The following HPS5 variants were observed in gnomAD, a reference collection of about 807,000 sequenced individuals.
The protein encoded by HPS5 is HPS5 biogenesis of lysosomal organelles complex 2 subunit 2, also known as BLOC-2 complex member HPS5.
HPS5 carries 83 observed loss-of-function variants against 128.0 expected under a neutral mutation model. The ratio of observed to expected loss-of-function variants is 0.65; its 90% CI spans 0.54 to 0.78. HPS5 has a LOEUF of 0.78. Among genes scored for constraint, HPS5 ranks in the 30% least tolerant of loss-of-function variants. The pLI is 0.00. For synonymous variants in HPS5, 475 were observed against 470.2 expected (o/e 1.01, Z -0.13); for missense variants, 1,281 against 1,326.2 (o/e 0.97, Z 0.53).
chr11:18,285,319 T>C (rs1337630384), intron 20 of HPS5, 27 bp downstream of exon 20: 9 of 1,409,624 alleles, frequency 6.4e-6, no homozygotes, highest in African/African-American at 1.4e-5. Flanking sequence ...TAACCTTAAC[T>C]TCAGTTTCTA....
chr11:18,291,579 T>C lies in HPS5; in HGVS notation c.2303A>G (p.Tyr768Cys), dbSNP rs998495172. Residue 768 changes from tyrosine (Y) to cysteine (C), a missense_variant, in exon 16 of 23, where the codon TAC becomes TGC. Physicochemically the swap from Tyr to Cys is radical, Grantham distance 194. Coordinates refer to ENST00000349215, the MANE Select transcript of HPS5 (RefSeq NM_181507.2). ...SGHVDHTLQQ[Y>C]SPEILACQFL... ...CTGGCAAGCCAGAATTTCAGGAGAG[T>C]ACTGTTGCAAAGTGTGGTCCACATG... 3 of 1,612,930 alleles carry C rather than the reference T, an allele frequency of 1.9e-6. No individual in the cohort carries two copies. The highest frequency in any genetic ancestry group is 1.7e-6 in the Non-Finnish European group (2 of 1,179,268).
In HPS5 at chr11:18,311,919, G is replaced by C. The variant is rs1321179926; in HGVS notation, c.214C>G (p.His72Asp). Reference sequence around the variant, plus strand: ...AGAGCTGCCCTTAATCTTACCCTGTGTGAAAGAAAAAGCCTGTGCTTCCAG... The same window carrying C: ...AGAGCTGCCCTTAATCTTACCCTGTCTGAAAGAAAAAGCCTGTGCTTCCAG... ...EGWKHRLFLS[H>D]REGAISQVAC... Residue 72 changes from histidine (H) to aspartate (D), a missense_variant, in exon 3 of 23, where the codon CAC becomes GAC. Transcript: ENST00000349215. 6.2e-7 allele frequency: 1 copy of C among 1,607,182 alleles called. No individual in the cohort carries two copies. Among genetic ancestry groups the C allele is most frequent in the Admixed American group, 1.7e-5 (1 of 60,014 alleles).
rs775290450 is a variant in HPS5 at position 18,285,353 on chromosome 11, A to C, written c.2944T>G (p.Ser982Ala). The C allele has an allele frequency of 6.2e-7, 1 of 1,602,754 alleles. No homozygotes were observed. Among genetic ancestry groups the C allele is most frequent in the Non-Finnish European group, 8.5e-7 (1 of 1,169,940 alleles). The change falls in exon 20 of 23, where the codon TCT becomes GCT. Residue 982 changes from serine (S) to alanine (A), a missense_variant. Transcript: ENST00000349215. ...TAAAAAATTCTCACTTACCCACAAGACCTGCAGATGTCTGTCATTTTCTCT... is the reference window on the plus strand; with the variant it reads ...TAAAAAATTCTCACTTACCCACAAGCCCTGCAGATGTCTGTCATTTTCTCT... ...TKEKMTDICR[S>A]CGFWPGYLIL...
At chr11:18,282,431 C>CTT (rs200407814) in intron 21 of HPS5, among the ~76,000 whole-genome samples, 20 of 145,574 alleles carry the variant, frequency 1.4e-4, no homozygotes, top group South Asian at 2.2e-4. Flanking sequence ...TAATTTTTTT[C>CTT]TTTTTTTTTT....
At chr11:18,291,062 AC>A (rs1860338325) in intron 16 of HPS5, among the ~76,000 whole-genome samples, 1 of 152,216 alleles carries the variant, frequency 6.6e-6, no homozygotes, top group South Asian at 2.1e-4. Flanking sequence ...CTACTAAAAT[AC>A]AAAAATTAGC....
chr11:18,298,326 T>C (rs1011664231), intron 10 of HPS5, among the ~76,000 whole-genome samples: 2 of 151,806 alleles, frequency 1.3e-5, no homozygotes, highest in African/African-American at 2.4e-5. Context: ...ACCCCGTCTC[T>C]ACTAAAAATA....
At chr11:18,291,324 G>C in intron 16 of HPS5, 118 bp downstream of exon 16, 4 of 653,144 alleles carry the variant, frequency 6.1e-6, no homozygotes, top group Non-Finnish European at 1.1e-5. Context: ...CAGAATAAAG[G>C]GTTGACCAGA....
Position 18,306,422 on chromosome 11 carries a change from A to G in HPS5, c.612-75T>C, listed in dbSNP as rs1862377831. Reference sequence around the variant, plus strand: ...AAAAACAACGGCACTACAAATCAGCATGGGCATAATAACTCCACTCACAAT... The same window carrying G: ...AAAAACAACGGCACTACAAATCAGCGTGGGCATAATAACTCCACTCACAAT... On this transcript the variant is annotated intron_variant, in intron 6 of 22. Coordinates refer to ENST00000349215, the MANE Select transcript of HPS5 (RefSeq NM_181507.2). 6 of 920,992 alleles carry G rather than the reference A, an allele frequency of 6.5e-6. No individual in the cohort carries two copies. In the Admixed American group the frequency reaches 7.8e-5, roughly 12 times the overall value. 57.1% of individuals were successfully genotyped at this position (920,992 alleles called of 1,614,324 possible). A position where few individuals can be genotyped will look rare whatever the true frequency, so the allele number is the denominator to read the frequency against.
rs1218782546 is a variant in HPS5, at chr11:18,279,085, TATTTA to T, written c.*792_*796del. On this transcript the variant is annotated 3_prime_UTR_variant, in exon 23 of 23. Transcript: ENST00000349215. ...GCTTAATTTATATATGAAGATATTT[TATTTA>T]ATTTGTTTTTGAGACAGGGTCTTTC... 4 of 152,272 alleles carry T rather than the reference TATTTA, an allele frequency of 2.6e-5. No individual in the cohort carries two copies. The highest frequency in any genetic ancestry group is 6.5e-5 in the Admixed American group (1 of 15,286). The allele number at this position is 152,272 out of a possible 1,614,324, so 9.4% of individuals were successfully genotyped here.
intron 20 of HPS5, among the ~76,000 whole-genome samples, chr11:18,284,576 T>C (rs1423541974): frequency 6.6e-6 from 1 of 152,174 alleles, no homozygotes; most frequent in African/African-American, 2.4e-5. Flanking sequence ...TCTAAAAGGG[T>C]CTCTACTGAT....
intron 20 of HPS5, 144 bp downstream of exon 20, chr11:18,285,202 C>G (rs1160162215): frequency 2.4e-5 from 11 of 455,304 alleles, no homozygotes; most frequent in Non-Finnish European, 4.3e-5. Flanking sequence ...GTTTAATTTA[C>G]TATCACTTAA....
chr11:18,311,758 G>C (rs1240934589), intron 3 of HPS5, 156 bp downstream of exon 3: 7 of 704,770 alleles, frequency 9.9e-6, no homozygotes, highest in Non-Finnish European at 1.8e-5. Context: ...TAATCCATCC[G>C]CCTTGGCCTC....
intron 6 of HPS5, among the ~76,000 whole-genome samples, chr11:18,307,125 T>C (rs1369051415): frequency 6.6e-6 from 1 of 152,240 alleles, no homozygotes; most frequent in Non-Finnish European, 1.5e-5. Context: ...CAGCAGATCA[T>C]GACTTTTCAA....
intron 8 of HPS5, among the ~76,000 whole-genome samples, chr11:18,304,266 G>A (rs1346166842): frequency 6.6e-6 from 1 of 150,772 alleles, no homozygotes; most frequent in South Asian, 2.1e-4. Context: ...GCCCAGGCTG[G>A]AGTGCAATGG....
chr11:18,288,984 G>A (rs1246227783), intron 16 of HPS5, among the ~76,000 whole-genome samples: 1 of 151,924 alleles, frequency 6.6e-6, no homozygotes, highest in African/African-American at 2.4e-5. Context: ...CATTGCATAG[G>A]CTGGTGTGTG....
intron 20 of HPS5, 131 bp downstream of exon 20, chr11:18,285,215 C>A: frequency 2.5e-4 from 122 of 492,804 alleles, no homozygotes; most frequent in South Asian, 8.9e-4. Context: ...TCACTTAAAA[C>A]AAAAAGGTAC....
rs886038752 is a variant in HPS5, at chr11:18,309,097, A to C, written c.478-18T>G. 5.0e-6 allele frequency: 8 copies of C among 1,611,658 alleles called. No individual in the cohort carries two copies. The Middle Eastern group carries it at 5.0e-4, about 100-fold the overall frequency. ...GCAGCTGCCTAAAAGGAATGTGAGAAAGAAATAAAGTTTATTTAATCATAA... is the reference window on the plus strand; with the variant it reads ...GCAGCTGCCTAAAAGGAATGTGAGACAGAAATAAAGTTTATTTAATCATAA... On this transcript the variant is annotated intron_variant, in intron 5 of 22. Coordinates refer to ENST00000349215, the MANE Select transcript of HPS5 (RefSeq NM_181507.2).
In HPS5 at chr11:18,297,607, T is replaced by C; in HGVS notation, c.1275A>G (p.Glu425=). The change falls in exon 11 of 23, where the codon GAA becomes GAG. Residue 425 remains glutamate, a synonymous_variant. Coordinates refer to ENST00000349215, the MANE Select transcript of HPS5 (RefSeq NM_181507.2). The part of the protein sequence containing the change: ...SQLEELILKF[E]PLDSACSSRR... ...TACTGCTACAAGCTGAATCCAAAGGTTCAAATTTTAAGATCAATTCTTCCA... is the reference window on the plus strand; with the variant it reads ...TACTGCTACAAGCTGAATCCAAAGGCTCAAATTTTAAGATCAATTCTTCCA... 6.2e-7 allele frequency: 1 copy of C among 1,613,994 alleles called. No individual in the cohort carries two copies. The highest frequency in any genetic ancestry group is 8.5e-7 in the Non-Finnish European group (1 of 1,179,898).
chr11:18,319,837 C>G (rs1864102462), intron 1 of HPS5, among the ~76,000 whole-genome samples: 1 of 152,136 alleles, frequency 6.6e-6, no homozygotes, highest in South Asian at 2.1e-4. Context: ...ATTGGGGAGA[C>G]TCTTCAACAG....
Sources: allele counts gnomAD v4.1 joint callset (sites outside exome capture counted in the v4.1 genomes callset), GRCh38; gene constraint gnomAD v4.1.1; transcripts MANE v1.5; gene names NCBI Gene and HGNC (gene_info 2026-07-23, HGNC 2026-07-21).